ANKRD13B: variants seen among roughly 807,000 people sequenced by gnomAD.
ANKRD13B encodes the protein ankyrin repeat domain 13B.
Under a neutral mutation model 74.4 loss-of-function variants are expected in ANKRD13B, and 33 were observed. The ratio of observed to expected loss-of-function variants is 0.44; its 90% CI spans 0.34 to 0.59. The LOEUF (loss-of-function observed/expected upper bound fraction) is 0.59. ANKRD13B is among the 20% of genes least tolerant of loss of function. ANKRD13B has a pLI of 0.02. For missense variants in ANKRD13B, 676 were observed against 877.9 expected, an observed-to-expected ratio of 0.77 and a Z score of 2.91; for synonymous variants, 341 against 362.9, an observed-to-expected ratio of 0.94 and a Z score of 0.68.
rs1204888023 is a variant in ANKRD13B at position 29,612,822 on chromosome 17, C to T, written c.1575+7C>T. ...GGGCAGTGAGTATGACCAGGTGCGT[C>T]TCCGCGGGCGCGCGGGGCCACGGGA... On this transcript the variant is annotated splice_region_variant and intron_variant, in intron 13 of 14. Transcript: ENST00000394859. The surrounding 1 kb of genome is among the most constrained non-coding windows in gnomAD (Gnocchi z 6.1). 3 of 1,601,062 alleles carry T rather than the reference C, an allele frequency of 1.9e-6. No homozygotes were observed. Among genetic ancestry groups the T allele is most frequent in the Non-Finnish European group, 1.7e-6 (2 of 1,178,250 alleles).
At chr17:29,607,961 G>A in intron 2 of ANKRD13B, 25 bp from the exon 3 acceptor site, 1 of 1,594,298 alleles carries the variant, frequency 6.3e-7, no homozygotes, top group Non-Finnish European at 8.6e-7. Context: ...GTCCTGCCCT[G>A]TGACCTTGCC....
chr17:29,601,601 T>C (rs2034182724), intron 1 of ANKRD13B, among the ~76,000 whole-genome samples: 1 of 152,226 alleles, frequency 6.6e-6, no homozygotes, highest in Non-Finnish European at 1.5e-5. Flanking sequence ...CTGGGATCAT[T>C]TTCTTTCCAC....
intron 1 of ANKRD13B, among the ~76,000 whole-genome samples, chr17:29,599,910 T>C (rs1398207901): frequency 8.1e-6 from 1 of 123,186 alleles, no homozygotes; most frequent in African/African-American, 3.2e-5. Flanking sequence ...GGAGTCTCGC[T>C]CTGTCCCCCG....
At position 29,593,658 on chromosome 17, in the gene ANKRD13B, G is replaced by A. The variant is rs768824029; in HGVS notation, c.37G>A (p.Glu13Lys). The A allele has an allele frequency of 7.0e-7, 1 of 1,424,442 alleles. No homozygotes were observed. The highest frequency in any genetic ancestry group is 9.3e-7 in the Non-Finnish European group (1 of 1,077,520). The allele number at this position is 1,424,442 out of a possible 1,614,324, so 88.2% of individuals were successfully genotyped here. Residue 13 changes from glutamate to lysine, a missense_variant, in exon 1 of 15, where the codon GAG becomes AAG. Transcript: ENST00000394859. Reference protein sequence around the residue: ...PANASARKGPEGKYPLHYLVW... With the variant: ...PANASARKGPKGKYPLHYLVW... ...CAACGCCTCCGCCAGGAAGGGGCCC[G>A]AGGGCAAGTATCCGCTGCACTACCT...
In ANKRD13B at chr17:29,612,702, G is replaced by T. The variant is rs1356835038; in HGVS notation, c.1462G>T (p.Gly488Cys). ...CCCAGCGTTGTTCGAGGCCCCGCGCGGCTACAGCATGATGGGCGGCCAGCG... is the reference window on the plus strand; with the variant it reads ...CCCAGCGTTGTTCGAGGCCCCGCGCTGCTACAGCATGATGGGCGGCCAGCG... ...ISPALFEAPR[G>C]YSMMGGQREA... is the part of the protein sequence containing the mutation. The change falls in exon 13 of 15, where the codon GGC (glycine) becomes TGC (cysteine). Residue 488 changes from glycine to cysteine, a missense_variant. Transcript: ENST00000394859. The surrounding 1 kb of genome is among the most constrained non-coding windows in gnomAD (Gnocchi z 6.1). The T allele has an allele frequency of 6.3e-7, 1 of 1,596,900 alleles. No homozygotes were observed.
chr17:29,610,000 G>A lies in ANKRD13B; in HGVS notation c.822+579G>A, dbSNP rs2034522990. Reference sequence around the variant, plus strand: ...CCTGAGGTCAGTTCGAGACCAGCCTGGCTAACATGGTGAAACCCCGTCTCT... The same window carrying A: ...CCTGAGGTCAGTTCGAGACCAGCCTAGCTAACATGGTGAAACCCCGTCTCT... On this transcript the variant is annotated intron_variant, in intron 7 of 14. Transcript: ENST00000394859. This position sits in a 1 kb window ranked among gnomAD's most constrained non-coding sequence, Gnocchi z 4.0. 6.6e-6 allele frequency among the ~76,000 whole-genome samples: 1 copy of A among 152,054 alleles called. No individual in the cohort carries two copies. Among genetic ancestry groups the A allele is most frequent in the African/African-American group, 2.4e-5 (1 of 41,380 alleles).
Position 29,612,619 on chromosome 17 carries a change from C to A in ANKRD13B, c.1412-33C>A. The A allele has an allele frequency of 6.6e-7, 1 of 1,519,260 alleles. No homozygotes were observed. 94.1% of individuals were successfully genotyped at this position (1,519,260 alleles called of 1,614,324 possible). A position where few individuals can be genotyped will look rare whatever the true frequency, so the allele number is the denominator to read the frequency against. On this transcript the variant is annotated intron_variant, in intron 12 of 14. Coordinates refer to ENST00000394859, the MANE Select transcript of ANKRD13B (RefSeq NM_152345.5). This position sits in a 1 kb window ranked among gnomAD's most constrained non-coding sequence, Gnocchi z 6.1. Reference sequence around the variant, plus strand: ...CCGGGGTGGGTGGGAGGGGCGCGCCCGGCCGTGCCTGACCCAGCCCCCGCG... The same window carrying A: ...CCGGGGTGGGTGGGAGGGGCGCGCCAGGCCGTGCCTGACCCAGCCCCCGCG...
intron 8 of ANKRD13B, 138 bp downstream of exon 8, chr17:29,610,904 CA>C (rs2034558577): frequency 1.2e-5 from 10 of 856,726 alleles, no homozygotes; most frequent in Non-Finnish European, 1.8e-5. Flanking sequence ...GATTTCAATT[CA>C]GGTGCCAAGC....
Position 29,613,338 on chromosome 17 carries a change from C to G in ANKRD13B, c.1653-16C>G, listed in dbSNP as rs1270736174. 7.0e-7 allele frequency: 1 copy of G among 1,419,516 alleles called. No individual in the cohort carries two copies. Among genetic ancestry groups the G allele is most frequent in the Non-Finnish European group, 9.1e-7 (1 of 1,097,078 alleles). 87.9% of individuals were successfully genotyped at this position (1,419,516 alleles called of 1,614,324 possible). A position where few individuals can be genotyped will look rare whatever the true frequency, so the allele number is the denominator to read the frequency against. ...GGTGCGCCCGGGAGCCCGCGACATT[C>G]CTTCCCCACCCCCAGGAGCGCCCCG... On this transcript the variant is annotated splice_polypyrimidine_tract_variant and intron_variant, in intron 14 of 14. Coordinates refer to ENST00000394859, the MANE Select transcript of ANKRD13B (RefSeq NM_152345.5).
intron 1 of ANKRD13B, among the ~76,000 whole-genome samples, chr17:29,596,798 T>C (rs2033970308): frequency 6.6e-6 from 1 of 152,172 alleles, no homozygotes; most frequent in African/African-American, 2.4e-5. Context: ...ATGTGGGGCA[T>C]CACCACAGCT....
chr17:29,598,160 C>T (rs2150874442), intron 1 of ANKRD13B, among the ~76,000 whole-genome samples: 1 of 152,320 alleles, frequency 6.6e-6, no homozygotes. Flanking sequence ...GTAAACAACA[C>T]TCCCCTTCTC....
chr17:29,612,382 A>C lies in ANKRD13B; in HGVS notation c.1259-20A>C, dbSNP rs1282825148. On this transcript the variant is annotated intron_variant, in intron 11 of 14. Transcript: ENST00000394859. The surrounding 1 kb of genome is among the most constrained non-coding windows in gnomAD (Gnocchi z 6.1). ...TGTGAGGGGCTGAGTGGTGGCGCCT[A>C]AAGGTTTCCTCATCCTCAGAAATCC... The C allele has an allele frequency of 6.2e-7, 1 of 1,612,722 alleles. No homozygotes were observed. Among genetic ancestry groups the C allele is most frequent in the Non-Finnish European group, 8.5e-7 (1 of 1,179,366 alleles).
chr17:29,593,783 C>A, intron 1 of ANKRD13B, 48 bp downstream of exon 1: 1 of 1,198,470 alleles, frequency 8.3e-7, no homozygotes. Flanking sequence ...CCGGGCACGC[C>A]CGTCCGGCCT....
At position 29,613,460 on chromosome 17, in the gene ANKRD13B, G is replaced by T. The variant is rs991685487; in HGVS notation, c.1759G>T (p.Asp587Tyr). Residue 587 changes from aspartate to tyrosine, a missense_variant, in exon 15 of 15, where the codon GAC becomes TAC. Around this residue, in one of 4 missense-constraint regions of ANKRD13B, gnomAD observed 108 missense variants for 90.3 expected, o/e 1.20. Transcript: ENST00000394859. ...CGGCGGCCACGTGTTCCGGAGCTAC[G>T]ACGAGCAGCTGCGGCTGGCGATGGA... ...GSGGHVFRSY[D>Y]EQLRLAMELS... is the part of the protein sequence containing the mutation. The T allele has an allele frequency of 3.9e-5, 60 of 1,533,312 alleles. No individual in the cohort carries two copies. Among genetic ancestry groups the T allele is most frequent in the Non-Finnish European group, 4.5e-5 (51 of 1,142,168 alleles). 95.0% of individuals were successfully genotyped at this position (1,533,312 alleles called of 1,614,324 possible).
At position 29,608,773 on chromosome 17, in the gene ANKRD13B, C is replaced by T; in HGVS notation, c.422-78C>T. On this transcript the variant is annotated intron_variant, in intron 4 of 14. Coordinates refer to ENST00000394859, the MANE Select transcript of ANKRD13B (RefSeq NM_152345.5). The surrounding 1 kb of genome is among the most constrained non-coding windows in gnomAD (Gnocchi z 6.4). ...CCCCTGTTCCTGGCCACACGGATCC[C>T]AAACCCCATGCCCTGAGCTGGTCCA... 1 of 1,575,346 alleles carries T rather than the reference C, an allele frequency of 6.3e-7. No individual in the cohort carries two copies. The highest frequency in any genetic ancestry group is 8.6e-7 in the Non-Finnish European group (1 of 1,157,016).
At position 29,609,257 on chromosome 17, in the gene ANKRD13B, A is replaced by G. The variant is rs2034495252; in HGVS notation, c.737A>G (p.Lys246Arg). 3 of 1,612,890 alleles carry G rather than the reference A, an allele frequency of 1.9e-6. No homozygotes were observed. In the Admixed American group the frequency reaches 5.0e-5, roughly 27 times the overall value. Residue 246 changes from lysine (K) to arginine (R), a missense_variant, in exon 6 of 15, where the codon AAG (lysine) becomes AGG (arginine). By Grantham distance (26) the Lys-to-Arg change is conservative (BLOSUM62 2). Around this residue, in one of 4 missense-constraint regions of ANKRD13B, gnomAD observed 328 missense variants for 518.4 expected, o/e 0.63. Coordinates refer to ENST00000394859, the MANE Select transcript of ANKRD13B (RefSeq NM_152345.5). The surrounding 1 kb of genome is among the most constrained non-coding windows in gnomAD (Gnocchi z 4.0). ...GTCGTCACCACTCAGCTTGACACCA[A>G]GAATATCTCCTTTGAGAGGTGGGTG... ...APVVTTQLDT[K>R]NISFERNKTG...
At position 29,593,142 on chromosome 17, in the gene ANKRD13B, A is replaced by G. The variant is rs1445247271; in HGVS notation, c.-480A>G. Among the ~76,000 whole-genome samples, 1 of 151,284 alleles carries G rather than the reference A, an allele frequency of 6.6e-6. No individual in the cohort carries two copies. Among genetic ancestry groups the G allele is most frequent in the Non-Finnish European group, 1.5e-5 (1 of 67,732 alleles). ...CGCCTGGTCCCCTTCCTCTCTCCCC[A>G]TCATCCCCACATCCCCGTATCCCGC... On this transcript the variant is annotated 5_prime_UTR_variant, in exon 1 of 15. Transcript: ENST00000394859.
chr17:29,613,659 C>T lies in ANKRD13B; in HGVS notation c.*77C>T. On this transcript the variant is annotated 3_prime_UTR_variant, in exon 15 of 15. Coordinates refer to ENST00000394859, the MANE Select transcript of ANKRD13B (RefSeq NM_152345.5). ...GGAGCCAGACAAACCCCGGCCTGCG[C>T]GCCTGCAGAGCGGCGGCTGGAGACT... 7.3e-7 allele frequency: 1 copy of T among 1,372,554 alleles called. No homozygotes were observed. The highest frequency in any genetic ancestry group is 1.7e-5 in the South Asian group (1 of 60,438). The allele number at this position is 1,372,554 out of a possible 1,614,324, so 85.0% of individuals were successfully genotyped here. A position where few individuals can be genotyped will look rare whatever the true frequency, so the allele number is the denominator to read the frequency against.
At position 29,609,551 on chromosome 17, in the gene ANKRD13B, T is replaced by C; in HGVS notation, c.822+130T>C. On this transcript the variant is annotated intron_variant, in intron 7 of 14. Coordinates refer to ENST00000394859, the MANE Select transcript of ANKRD13B (RefSeq NM_152345.5). The surrounding 1 kb of genome is among the most constrained non-coding windows in gnomAD (Gnocchi z 4.0). ...ATGCAGCGTGGTCAAGCACTTATAT[T>C]TGGGTTCAAGGCACTTCTCTGGTGT... The C allele has an allele frequency of 8.8e-7, 1 of 1,131,286 alleles. No homozygotes were observed. Among genetic ancestry groups the C allele is most frequent in the Non-Finnish European group, 1.3e-6 (1 of 794,262 alleles). The allele number at this position is 1,131,286 out of a possible 1,614,324, so 70.1% of individuals were successfully genotyped here. A position where few individuals can be genotyped will look rare whatever the true frequency, so the allele number is the denominator to read the frequency against.
Sources: gnomAD v4.1 joint callset for allele counts (sites outside exome capture counted in the v4.1 genomes callset) on GRCh38, gnomAD v4.1.1 for gene constraint, gnomAD v4.1.1 regional missense constraint, Gnocchi (gnomAD v3.1) non-coding constraint, MANE v1.5 for transcripts, NCBI Gene and HGNC (gene_info 2026-07-23, HGNC 2026-07-21) for gene names.